Variants in GPR89B observed in about 807,000 individuals in gnomAD.
GPR89B encodes G protein-coupled receptor 89B.
Under a neutral mutation model 52.4 loss-of-function variants are expected in GPR89B, and 25 were observed. The ratio of observed to expected loss-of-function variants is 0.48; its 90% CI spans 0.35 to 0.67. The LOEUF (loss-of-function observed/expected upper bound fraction) is 0.67. GPR89B is among the 30% of genes least tolerant of loss of function. The probability of loss-of-function intolerance (pLI) is 0.01; values close to 1 mark genes in which losing one functional copy is unlikely to be tolerated. For synonymous variants in GPR89B, 52 were observed against 151.2 expected (o/e 0.34, Z 4.81); for missense variants, 146 against 450.2 (o/e 0.32, Z 6.11).
the GPR89B span, among the ~76,000 whole-genome samples, chr1:148,006,118 T>C: frequency 6.6e-6 from 1 of 152,148 alleles, no homozygotes; most frequent in Non-Finnish European, 1.5e-5. Context: ...GACACAGCCT[T>C]TACTCAGTGG....
the GPR89B span, among the ~76,000 whole-genome samples, chr1:148,003,486 T>C: frequency 6.6e-6 from 1 of 152,206 alleles, no homozygotes; most frequent in Non-Finnish European, 1.5e-5. Context: ...CACAAAATAC[T>C]ACCAATTTGG....
intron 1 of GPR89B, among the ~76,000 whole-genome samples, chr1:147,936,052 C>CT (rs1355800267): frequency 6.6e-6 from 1 of 152,242 alleles, no homozygotes; most frequent in African/African-American, 2.4e-5. Flanking sequence ...TAGTCTCACT[C>CT]TATCACCCAG....
At chr1:148,000,791 A>C in the GPR89B span, among the ~76,000 whole-genome samples, 37 of 145,580 alleles carry the variant, frequency 2.5e-4, no homozygotes, top group Non-Finnish European at 4.7e-4. Flanking sequence ...AAAAAAAAAA[A>C]AAAACAACAA....
At chr1:147,962,730 C>G (rs1372871763) in intron 7 of GPR89B, among the ~76,000 whole-genome samples, 2 of 151,600 alleles carry the variant, frequency 1.3e-5, no homozygotes, top group Non-Finnish European at 2.9e-5. Context: ...AACCCTGTCT[C>G]TACTAAAAAT....
chr1:148,024,302 C>T, the GPR89B span: 1 of 151,580 alleles, frequency 6.6e-6, no homozygotes, highest in African/African-American at 2.4e-5. Context: ...GCTTGTGAGC[C>T]AAGAGGCAAA....
the GPR89B span, among the ~76,000 whole-genome samples, chr1:148,005,760 C>A: frequency 1.3e-5 from 2 of 152,012 alleles, no homozygotes; most frequent in African/African-American, 2.4e-5. Flanking sequence ...CACATATACC[C>A]TTTCCCTATG....
At chr1:148,013,331 C>T in the GPR89B span, among the ~76,000 whole-genome samples, 380 of 152,248 alleles carry the variant, frequency 2.5e-3, 1 homozygote, top group Non-Finnish European at 4.6e-3. Context: ...CGCAGGCCTC[C>T]GGCCGCCTTC....
Position 147,974,983 on chromosome 1 carries a change from G to A in GPR89B, c.909+5024G>A, listed in dbSNP as rs1418348979. Among the ~76,000 whole-genome samples, 7 of 152,056 alleles carry A rather than the reference G, an allele frequency of 4.6e-5. No individual in the cohort carries two copies. In the South Asian group the frequency reaches 1.2e-3, roughly 27 times the overall value. On this transcript the variant is annotated intron_variant, in intron 10 of 13. Coordinates refer to ENST00000314163, the MANE Select transcript of GPR89B (RefSeq NM_016334.5). ...TGTGATGGATTACGTTTATTGATTC[G>A]TGTATGTTGAACCAGTGTTGCATAC...
Position 147,938,750 on chromosome 1 carries a change from A to G in GPR89B, c.139A>G (p.Thr47Ala), listed in dbSNP as rs1654304397. ...QYVVQVIFSVTFAFSCTMFEL... is the reference protein window; with the variant it reads ...QYVVQVIFSVAFAFSCTMFEL... ...TGTTGTACAGGTGATCTTCTCCGTG[A>G]CGTTTGCATTTTCTTGCACCATGTT... The change falls in exon 3 of 14, where the codon ACG (threonine) becomes GCG (alanine). Residue 47 changes from threonine to alanine, a missense_variant. Thr to Ala is a moderately conservative substitution (Grantham distance 58). Coordinates refer to ENST00000314163, the MANE Select transcript of GPR89B (RefSeq NM_016334.5). The G allele has an allele frequency of 6.3e-7, 1 of 1,589,034 alleles. No homozygotes were observed.
At chr1:148,006,398 C>T in the GPR89B span, among the ~76,000 whole-genome samples, 6 of 152,124 alleles carry the variant, frequency 3.9e-5, 1 homozygote, top group South Asian at 4.2e-4. Flanking sequence ...GGGAAGAACC[C>T]GAATGCATTT....
intron 5 of GPR89B, among the ~76,000 whole-genome samples, chr1:147,949,617 G>T (rs1165549644): frequency 2.1e-4 from 29 of 138,588 alleles, no homozygotes; most frequent in Non-Finnish European, 3.7e-4. Context: ...CTGACGGGGC[G>T]GGGGGCTGAC....
At chr1:147,989,195 TG>T (rs1186690702) in intron 12 of GPR89B, among the ~76,000 whole-genome samples, 1 of 148,520 alleles carries the variant, frequency 6.7e-6, no homozygotes, top group African/African-American at 2.5e-5. Context: ...AGAGAAGATA[TG>T]GAAGTAAGGG....
At chr1:147,958,506 G>A (rs1164525722) in intron 7 of GPR89B, among the ~76,000 whole-genome samples, 2 of 92,270 alleles carry the variant, frequency 2.2e-5, no homozygotes, top group African/African-American at 1.1e-4. Flanking sequence ...GGGCATAGTG[G>A]TGCATGCCTG....
chr1:147,945,723 G>C (rs1368750161), intron 5 of GPR89B, among the ~76,000 whole-genome samples: 6 of 150,978 alleles, frequency 4.0e-5, no homozygotes, highest in Admixed American at 3.3e-4. Flanking sequence ...ATTATTTCAA[G>C]TTTCTTTTTT....
chr1:147,928,577 A>G lies in GPR89B; in HGVS notation c.41A>G (p.Gln14Arg). 2 of 1,613,890 alleles carry G rather than the reference A, an allele frequency of 1.2e-6. No homozygotes were observed. The highest frequency in any genetic ancestry group is 1.7e-6 in the Non-Finnish European group (2 of 1,179,800). ...GACTCCAGCATCATGATTACCTCCC[A>G]GGTGAGTCACCGCCTCCCGCCCCGA... ...LIDSSIMITS[Q>R]ILFFGFGWLF... The change falls in exon 1 of 14, where the codon CAG becomes CGG. Residue 14 changes from glutamine to arginine, a missense_variant and splice_region_variant. Gln to Arg is a conservative substitution (Grantham distance 43). Coordinates refer to ENST00000314163, the MANE Select transcript of GPR89B (RefSeq NM_016334.5).
chr1:148,000,479 A>G, the GPR89B span, among the ~76,000 whole-genome samples: 41 of 152,130 alleles, frequency 2.7e-4, 1 homozygote, highest in Middle Eastern at 3.4e-3. Context: ...AATGAATTAC[A>G]GGTCCAAGAA....
intron 1 of GPR89B, among the ~76,000 whole-genome samples, chr1:147,934,635 G>A (rs1487793077): frequency 6.6e-6 from 1 of 152,034 alleles, no homozygotes; most frequent in Non-Finnish European, 1.5e-5. Context: ...CCTTCGGCTC[G>A]GGCATTATCT....
chr1:148,006,950 C>G, the GPR89B span, among the ~76,000 whole-genome samples: 1 of 151,304 alleles, frequency 6.6e-6, no homozygotes, highest in Admixed American at 6.6e-5. Context: ...CTCCTGACCT[C>G]AGGTAATCCA....
the GPR89B span, among the ~76,000 whole-genome samples, chr1:148,009,161 G>C: frequency 6.6e-6 from 1 of 152,160 alleles, no homozygotes; most frequent in African/African-American, 2.4e-5. Flanking sequence ...TTGCACAACT[G>C]TGCAAGGCAA....
Sources: gnomAD v4.1 joint callset for allele counts (sites outside exome capture counted in the v4.1 genomes callset) on GRCh38, gnomAD v4.1.1 for gene constraint, MANE v1.5 for transcripts, NCBI Gene and HGNC (gene_info 2026-07-23, HGNC 2026-07-21) for gene names.